LRBA: variants seen among roughly 807,000 people sequenced by gnomAD.
The protein encoded by LRBA is lipopolysaccharide-responsive and beige-like anchor protein.
A neutral mutation model predicts 330.0 loss-of-function variants in LRBA; 176 were observed. The observed-to-expected ratio is 0.53, with a 90% CI of 0.47 to 0.60. LRBA has a LOEUF of 0.60. Ranked by LOEUF, LRBA falls within the 20% of genes least tolerant of loss-of-function variation. The pLI, the probability that LRBA is intolerant of heterozygous loss-of-function variation, is 0.00. For missense variants in LRBA, 3,259 were observed against 3,444.8 expected (o/e 0.95, Z 1.35); for synonymous variants, 1,230 against 1,193.0 (o/e 1.03, Z -0.64).
chr4:150,825,104 C>T (rs980243140), intron 30 of LRBA, among the ~76,000 whole-genome samples: 101 of 151,550 alleles, frequency 6.7e-4, no homozygotes, highest in African/African-American at 2.3e-3. Context: ...TCAGAAGACA[C>T]AAAAATAAGT....
intron 37 of LRBA, among the ~76,000 whole-genome samples, chr4:150,618,355 A>G (rs1254534128): frequency 6.6e-6 from 1 of 152,168 alleles, no homozygotes; most frequent in Non-Finnish European, 1.5e-5. Context: ...AGGATCTTGC[A>G]TGGAAAAAAA....
At chr4:150,563,775 C>T (rs1768731102) in intron 40 of LRBA, among the ~76,000 whole-genome samples, 1 of 152,078 alleles carries the variant, frequency 6.6e-6, no homozygotes, top group African/African-American at 2.4e-5. Flanking sequence ...GAGAGAACTC[C>T]CATTCACAAT....
At chr4:150,703,325 T>C (rs894670308) in intron 36 of LRBA, among the ~76,000 whole-genome samples, 1 of 152,228 alleles carries the variant, frequency 6.6e-6, no homozygotes, top group Non-Finnish European at 1.5e-5. Flanking sequence ...ATTATCTTAA[T>C]ATTAAAGAAT....
At chr4:150,743,649 T>C (rs946812854) in intron 35 of LRBA, among the ~76,000 whole-genome samples, 2 of 152,196 alleles carry the variant, frequency 1.3e-5, no homozygotes, top group Non-Finnish European at 2.9e-5. Context: ...GGCCCATTTG[T>C]TTAAGTGTTA....
intron 35 of LRBA, among the ~76,000 whole-genome samples, chr4:150,758,579 T>A (rs1458187947): frequency 1.3e-5 from 2 of 151,104 alleles, no homozygotes; most frequent in Non-Finnish European, 3.0e-5. Context: ...TGTCTTTTTT[T>A]TTTTTTTTTT....
chr4:150,497,720 T>C (rs759444258), intron 40 of LRBA, among the ~76,000 whole-genome samples: 1 of 152,196 alleles, frequency 6.6e-6, no homozygotes, highest in Non-Finnish European at 1.5e-5. Flanking sequence ...TTGTATTGAT[T>C]GGACTAAAAT....
chr4:150,323,392 T>A (rs761360286), intron 49 of LRBA, among the ~76,000 whole-genome samples: 1 of 152,220 alleles, frequency 6.6e-6, no homozygotes, highest in African/African-American at 2.4e-5. Flanking sequence ...AGTACATACA[T>A]ATTTCTGAGC....
intron 37 of LRBA, among the ~76,000 whole-genome samples, chr4:150,654,505 A>T (rs1277991226): frequency 6.6e-6 from 1 of 152,094 alleles, no homozygotes; most frequent in Admixed American, 6.5e-5. Flanking sequence ...TCTATTTTCA[A>T]TTCCTATCTC....
chr4:150,548,255 A>T (rs1766087636), intron 40 of LRBA, among the ~76,000 whole-genome samples: 1 of 152,130 alleles, frequency 6.6e-6, no homozygotes. Flanking sequence ...AAACATCCCC[A>T]AACCACTCTT....
intron 51 of LRBA, 160 bp from the exon 52 acceptor site, chr4:150,310,544 G>GA (rs1456962259): frequency 1.6e-5 from 8 of 505,722 alleles, no homozygotes; most frequent in Non-Finnish European, 2.8e-5. Context: ...CCAATTGCTG[G>GA]AAAAATGTGG....
At chr4:150,640,841 T>C (rs1208284706) in intron 37 of LRBA, among the ~76,000 whole-genome samples, 1 of 152,152 alleles carries the variant, frequency 6.6e-6, no homozygotes, top group Non-Finnish European at 1.5e-5. Flanking sequence ...GATACTTAAG[T>C]TCCTACTATC....
chr4:150,766,349 A>G (rs1481326609), intron 34 of LRBA, among the ~76,000 whole-genome samples: 1 of 152,118 alleles, frequency 6.6e-6, no homozygotes, highest in Non-Finnish European at 1.5e-5. Context: ...AGATATACAA[A>G]TGCATACTAA....
chr4:150,895,649 T>C (rs1579125429), intron 16 of LRBA, among the ~76,000 whole-genome samples: 1 of 152,340 alleles, frequency 6.6e-6, no homozygotes, highest in East Asian at 1.9e-4. Context: ...TTCCATGGTG[T>C]ATATGTGCCA....
intron 40 of LRBA, among the ~76,000 whole-genome samples, chr4:150,527,528 G>A (rs943926595): frequency 3.3e-5 from 5 of 152,104 alleles, no homozygotes; most frequent in Admixed American, 6.6e-5. Context: ...GGAAGAATGA[G>A]ATCTAAGAAA....
chr4:150,628,910 T>C (rs1777105231), intron 37 of LRBA, among the ~76,000 whole-genome samples: 1 of 152,192 alleles, frequency 6.6e-6, no homozygotes, highest in Non-Finnish European at 1.5e-5. Flanking sequence ...AAATTTTTGC[T>C]GTTGTTTTTG....
intron 36 of LRBA, among the ~76,000 whole-genome samples, chr4:150,693,998 G>A (rs1784388899): frequency 6.6e-6 from 1 of 151,914 alleles, no homozygotes; most frequent in African/African-American, 2.4e-5. Context: ...CACAAGTTTT[G>A]TATTTAAAAC....
At chr4:150,678,649 C>G (rs1319025178) in intron 37 of LRBA, among the ~76,000 whole-genome samples, 1 of 152,018 alleles carries the variant, frequency 6.6e-6, no homozygotes, top group Non-Finnish European at 1.5e-5. Context: ...GAAAGGGGAA[C>G]AAGGAGGGGA....
intron 40 of LRBA, among the ~76,000 whole-genome samples, chr4:150,491,704 G>T (rs2152105399): frequency 6.6e-6 from 1 of 152,210 alleles, no homozygotes; most frequent in Admixed American, 6.5e-5. Context: ...GTCATCCCAG[G>T]TGACAGACAG....
chr4:150,561,156 AAT>A (rs1419161897), intron 40 of LRBA, among the ~76,000 whole-genome samples: 2 of 152,200 alleles, frequency 1.3e-5, no homozygotes, highest in African/African-American at 4.8e-5. Flanking sequence ...TATATTTATT[AAT>A]ATGATAAATA....
Sources: gnomAD v4.1 joint callset for allele counts (sites outside exome capture counted in the v4.1 genomes callset) on GRCh38, gnomAD v4.1.1 for gene constraint, MANE v1.5 for transcripts, NCBI Gene and HGNC (gene_info 2026-07-23, HGNC 2026-07-21) for gene names.